The following MAST4 variants were observed in gnomAD, a reference collection of about 807,000 sequenced individuals.
MAST4 encodes microtubule associated serine/threonine kinase family member 4, also known as microtubule-associated serine/threonine-protein kinase 4.
MAST4 carries 89 observed loss-of-function variants against 162.7 expected under a neutral mutation model. The observed-to-expected ratio is 0.55, with a 90% CI of 0.46 to 0.65. The LOEUF is 0.65. Among genes scored for constraint, MAST4 ranks in the 30% least tolerant of loss-of-function variants. The pLI is 0.00. For missense variants in MAST4, 3,153 were observed against 3,374.0 expected, an observed-to-expected ratio of 0.93 and a Z score of 1.62; for synonymous variants, 1,479 against 1,361.1, an observed-to-expected ratio of 1.09 and a Z score of -1.91.
intron 3 of MAST4, among the ~76,000 whole-genome samples, chr5:66,847,984 A>G (rs986911217): frequency 2.0e-5 from 3 of 152,128 alleles, no homozygotes; most frequent in African/African-American, 7.2e-5. Flanking sequence ...CACTGGATCA[A>G]ATGTTGTCCT....
chr5:66,779,898 T>G (rs575843501), intron 2 of MAST4, among the ~76,000 whole-genome samples: 1 of 152,142 alleles, frequency 6.6e-6, no homozygotes, highest in Non-Finnish European at 1.5e-5. Context: ...AACTTATAAA[T>G]GATTGGGAGG....
chr5:66,944,592 A>G (rs1181434699), intron 4 of MAST4, among the ~76,000 whole-genome samples: 1 of 152,118 alleles, frequency 6.6e-6, no homozygotes, highest in Non-Finnish European at 1.5e-5. Flanking sequence ...TGTACTTTGT[A>G]TTACTTCTGA....
At chr5:66,978,047 T>G (rs1273929208) in intron 4 of MAST4, among the ~76,000 whole-genome samples, 2 of 152,264 alleles carry the variant, frequency 1.3e-5, no homozygotes, top group African/African-American at 2.4e-5. Flanking sequence ...CATAAATTTT[T>G]ATATTGATTG....
chr5:66,601,683 A>G (rs551494237), intron 1 of MAST4, among the ~76,000 whole-genome samples: 2 of 151,790 alleles, frequency 1.3e-5, no homozygotes, highest in South Asian at 2.1e-4. Flanking sequence ...CTGAGTTGTT[A>G]GGTGTGGAGG....
At chr5:66,733,109 C>T (rs923995557) in intron 1 of MAST4, among the ~76,000 whole-genome samples, 2 of 152,150 alleles carry the variant, frequency 1.3e-5, no homozygotes, top group Non-Finnish European at 2.9e-5. Context: ...AGCTACCAGG[C>T]AAATCTGTCC....
At chr5:67,094,665 T>A (rs1342394592) in intron 6 of MAST4, among the ~76,000 whole-genome samples, 1 of 152,144 alleles carries the variant, frequency 6.6e-6, no homozygotes, top group African/African-American at 2.4e-5. Context: ...GCCAGAGATT[T>A]CAGAAAATTT....
At chr5:67,159,032 C>T (rs1008348446) in intron 26 of MAST4, among the ~76,000 whole-genome samples, 1 of 152,086 alleles carries the variant, frequency 6.6e-6, no homozygotes, top group Non-Finnish European at 1.5e-5. Context: ...GAAACTGTGT[C>T]TCAAAAAACA....
chr5:66,798,633 AT>A (rs1323142925), intron 3 of MAST4, among the ~76,000 whole-genome samples: 1 of 152,222 alleles, frequency 6.6e-6, no homozygotes, highest in Non-Finnish European at 1.5e-5. Context: ...AGAATTCTGT[AT>A]TTAGTGAGTA....
chr5:66,665,111 A>G (rs914376525), intron 1 of MAST4, among the ~76,000 whole-genome samples: 1 of 152,252 alleles, frequency 6.6e-6, no homozygotes, highest in African/African-American at 2.4e-5. Context: ...TTAAAGAGGA[A>G]TGGGAGGAGA....
intron 26 of MAST4, among the ~76,000 whole-genome samples, chr5:67,154,327 A>G (rs539705408): frequency 2.0e-5 from 3 of 152,370 alleles, no homozygotes; most frequent in Admixed American, 2.0e-4. Context: ...CTGCGACAGC[A>G]TATCTCTAGA....
chr5:66,892,669 C>T (rs1375216978), intron 3 of MAST4, among the ~76,000 whole-genome samples: 1 of 151,356 alleles, frequency 6.6e-6, no homozygotes, highest in Non-Finnish European at 1.5e-5. Flanking sequence ...TCAGTACCAG[C>T]CCTCCCTGCT....
chr5:66,778,786 A>ACAGTGG (rs1276768492), intron 2 of MAST4, among the ~76,000 whole-genome samples: 2 of 152,196 alleles, frequency 1.3e-5, no homozygotes, highest in Admixed American at 6.5e-5. Flanking sequence ...GCTCTGGTTC[A>ACAGTGG]CAGTGGCAGT....
intron 5 of MAST4, among the ~76,000 whole-genome samples, chr5:67,068,351 A>G (rs113348653): frequency 0.044 from 6,660 of 152,264 alleles, 426 homozygotes; most frequent in African/African-American, 0.14. Context: ...AAAACTTACA[A>G]TCATGGCGGA....
At chr5:66,643,241 A>C (rs1422146952) in intron 1 of MAST4, among the ~76,000 whole-genome samples, 1 of 152,170 alleles carries the variant, frequency 6.6e-6, no homozygotes, top group African/African-American at 2.4e-5. Context: ...ATTTTCTCAG[A>C]AGAAGGGACT....
chr5:67,000,793 A>G (rs1339051198), intron 4 of MAST4, among the ~76,000 whole-genome samples: 3 of 151,892 alleles, frequency 2.0e-5, no homozygotes, highest in African/African-American at 4.8e-5. Context: ...TGGGCAGTAG[A>G]CAGAATTCAA....
chr5:67,112,406 T>G (rs1348770428), intron 11 of MAST4, among the ~76,000 whole-genome samples: 2 of 152,142 alleles, frequency 1.3e-5, no homozygotes, highest in Non-Finnish European at 2.9e-5. Flanking sequence ...TACGCAGAGA[T>G]AGCATTAGAT....
chr5:66,842,413 C>T (rs1483493540), intron 3 of MAST4, among the ~76,000 whole-genome samples: 8 of 152,050 alleles, frequency 5.3e-5, no homozygotes, highest in Admixed American at 2.0e-4. Context: ...GTTGGCTTTC[C>T]ACCTCCTGAT....
intron 1 of MAST4, among the ~76,000 whole-genome samples, chr5:66,644,861 A>G (rs1029767026): frequency 1.9e-4 from 28 of 150,008 alleles, no homozygotes; most frequent in Admixed American, 1.8e-3. Flanking sequence ...TGTGGTGGGT[A>G]TGGCCCACTC....
intron 1 of MAST4, among the ~76,000 whole-genome samples, chr5:66,752,193 G>C (rs1314452198): frequency 6.6e-6 from 1 of 152,120 alleles, no homozygotes; most frequent in African/African-American, 2.4e-5. Context: ...CAAAATCATG[G>C]CAAAATGTAA....
Sources: gnomAD v4.1 joint callset for allele counts (sites outside exome capture counted in the v4.1 genomes callset) on GRCh38, gnomAD v4.1.1 for gene constraint, MANE v1.5 for transcripts, NCBI Gene and HGNC (gene_info 2026-07-23, HGNC 2026-07-21) for gene names.